Variants in DAB1 observed in about 807,000 individuals in gnomAD.
DAB1 encodes the protein disabled homolog 1.
In DAB1, 15 loss-of-function variants were observed where a neutral mutation model predicts 64.6. The ratio of observed to expected loss-of-function variants is 0.23; its 90% CI spans 0.16 to 0.36. The LOEUF is 0.36. DAB1 is among the 10% of genes least tolerant of loss of function. The probability of loss-of-function intolerance (pLI) is 1.00; values close to 1 mark genes in which losing one functional copy is unlikely to be tolerated. For synonymous variants in DAB1, 235 were observed against 251.9 expected, an observed-to-expected ratio of 0.93 and a Z score of 0.64; for missense variants, 596 against 706.7, an observed-to-expected ratio of 0.84 and a Z score of 1.78.
chr1:58,381,982 A>AGTGAGACTGAAT (rs1195746711), intron 3 of DAB1, among the ~76,000 whole-genome samples: 4 of 151,906 alleles, frequency 2.6e-5, no homozygotes, highest in Non-Finnish European at 4.4e-5. Context: ...CCATGAAAGA[A>AGTGAGACTGAAT]GAAACAGTAG....
intron 2 of DAB1, among the ~76,000 whole-genome samples, chr1:58,510,647 T>A (rs549935258): frequency 6.6e-6 from 1 of 151,586 alleles, no homozygotes; most frequent in South Asian, 2.1e-4. Context: ...GAGAAAGAAA[T>A]AAAAGGCATT....
intron 5 of DAB1, among the ~76,000 whole-genome samples, chr1:58,008,887 A>G (rs1646626184): frequency 6.6e-6 from 1 of 152,100 alleles, no homozygotes; most frequent in Non-Finnish European, 1.5e-5. Flanking sequence ...TGAGCACCTT[A>G]TTTCATTACA....
At chr1:58,369,056 C>G (rs191775157) in intron 3 of DAB1, among the ~76,000 whole-genome samples, 267 of 152,282 alleles carry the variant, frequency 1.8e-3, no homozygotes, top group African/African-American at 6.3e-3. Context: ...GGAATTGGTG[C>G]ATAAATAACC....
intron 6 of DAB1, among the ~76,000 whole-genome samples, chr1:57,776,521 C>T (rs1360247929): frequency 1.3e-5 from 2 of 151,508 alleles, no homozygotes; most frequent in Non-Finnish European, 3.0e-5. Context: ...ATTTTCTATC[C>T]TTTTCATCTT....
At chr1:58,315,733 G>A (rs1662543158) in intron 4 of DAB1, among the ~76,000 whole-genome samples, 1 of 152,158 alleles carries the variant, frequency 6.6e-6, no homozygotes, top group South Asian at 2.1e-4. Flanking sequence ...AGATGGGGAT[G>A]CAAAAGAGAT....
chr1:58,509,334 A>G (rs1251157443), intron 2 of DAB1, among the ~76,000 whole-genome samples: 2 of 152,128 alleles, frequency 1.3e-5, no homozygotes, highest in Admixed American at 1.3e-4. Flanking sequence ...AAAGACACAG[A>G]AAATGTAAAA....
chr1:57,626,384 C>T (rs1318171918), intron 7 of DAB1, among the ~76,000 whole-genome samples: 1 of 152,144 alleles, frequency 6.6e-6, no homozygotes, highest in African/African-American at 2.4e-5. Context: ...ATACTCACAC[C>T]ACAGAGGATG....
chr1:58,231,861 C>T lies in DAB1; in HGVS notation n.310-81273G>A, dbSNP rs982419260. 2.6e-5 allele frequency among the ~76,000 whole-genome samples: 4 copies of T among 152,252 alleles called. No individual in the cohort carries two copies. The East Asian group carries it at 7.7e-4, about 29-fold the overall frequency. ...GCTGCACATTTTCTCACTTGGTCTT[C>T]ATAACAGCCAGTGATACTGGTACCC... On this transcript the variant is annotated intron_variant and non_coding_transcript_variant, in intron 4 of 20. Transcript: ENST00000485760.
intron 7 of DAB1, among the ~76,000 whole-genome samples, chr1:57,527,258 C>T (rs979316458): frequency 6.6e-5 from 10 of 152,182 alleles, no homozygotes; most frequent in Non-Finnish European, 1.2e-4. Flanking sequence ...CATACAGTTC[C>T]TCCTTGGTGA....
At chr1:58,342,492 C>T (rs1424901583) in intron 4 of DAB1, among the ~76,000 whole-genome samples, 4 of 152,130 alleles carry the variant, frequency 2.6e-5, no homozygotes, top group Non-Finnish European at 5.9e-5. Context: ...AATACAGCAA[C>T]ATAACTATTA....
At chr1:57,062,811 T>C (rs771744602) in intron 9 of DAB1, 73 bp downstream of exon 9, 78 of 1,276,648 alleles carry the variant, frequency 6.1e-5, no homozygotes, top group Admixed American at 2.6e-4. Flanking sequence ...AGGGTTTCCT[T>C]CCGCAGGCTG....
chr1:58,201,138 T>C (rs1657977103), intron 4 of DAB1, among the ~76,000 whole-genome samples: 1 of 151,688 alleles, frequency 6.6e-6, no homozygotes, highest in Non-Finnish European at 1.5e-5. Flanking sequence ...TGCCTCAGCC[T>C]CCCGAGTAAC....
chr1:57,008,395 A>T (rs1251263489), intron 14 of DAB1, among the ~76,000 whole-genome samples: 1 of 152,198 alleles, frequency 6.6e-6, no homozygotes, highest in African/African-American at 2.4e-5. Context: ...GGGAGCGTGC[A>T]TTAATTGGAT....
At chr1:57,812,629 G>C (rs1009165182) in intron 6 of DAB1, among the ~76,000 whole-genome samples, 3 of 152,216 alleles carry the variant, frequency 2.0e-5, no homozygotes, top group Admixed American at 1.3e-4. Flanking sequence ...CTGCAACCCT[G>C]TGCCAGGAAC....
chr1:58,056,959 G>A (rs977141719), intron 5 of DAB1, among the ~76,000 whole-genome samples: 7 of 151,470 alleles, frequency 4.6e-5, no homozygotes, highest in Non-Finnish European at 8.8e-5. Context: ...GCTGTAACTC[G>A]TATGTTTTCC....
chr1:57,472,286 G>A (rs1417730585), intron 7 of DAB1, among the ~76,000 whole-genome samples: 1 of 152,230 alleles, frequency 6.6e-6, no homozygotes, highest in Admixed American at 6.5e-5. Flanking sequence ...GACTCATGGA[G>A]GGTCATTCCA....
chr1:58,014,533 G>T (rs1293636485), intron 5 of DAB1, among the ~76,000 whole-genome samples: 2 of 152,134 alleles, frequency 1.3e-5, no homozygotes, highest in African/African-American at 2.4e-5. Flanking sequence ...GTGGCCCTTG[G>T]GCCCTCGGTC....
chr1:58,233,716 G>A (rs1337226692), intron 4 of DAB1, among the ~76,000 whole-genome samples: 1 of 152,132 alleles, frequency 6.6e-6, no homozygotes, highest in African/African-American at 2.4e-5. Flanking sequence ...AGTCCAGAAG[G>A]TCTGACTCCA....
At chr1:57,473,655 T>C (rs1304773586) in intron 7 of DAB1, among the ~76,000 whole-genome samples, 1 of 152,214 alleles carries the variant, frequency 6.6e-6, no homozygotes, top group Non-Finnish European at 1.5e-5. Flanking sequence ...ACTAGTCATA[T>C]CTGGAACTTT....
Sources: allele counts gnomAD v4.1 joint callset (sites outside exome capture counted in the v4.1 genomes callset), GRCh38; gene constraint gnomAD v4.1.1; transcripts MANE v1.5; gene names NCBI Gene and HGNC (gene_info 2026-07-23, HGNC 2026-07-21).